MAP7: variants seen among roughly 807,000 people sequenced by gnomAD.
The protein encoded by MAP7 is ensconsin.
Under a neutral mutation model 94.8 loss-of-function variants are expected in MAP7, and 52 were observed. The ratio of observed to expected loss-of-function variants is 0.55; its 90% CI spans 0.44 to 0.69. MAP7 has a LOEUF of 0.69. Among genes scored for constraint, MAP7 ranks in the 30% least tolerant of loss-of-function variants. The pLI is 0.00. For missense variants in MAP7, 940 were observed against 964.6 expected (o/e 0.97, Z 0.34); for synonymous variants, 350 against 357.0 (o/e 0.98, Z 0.22).
At chr6:136,409,815 T>C (rs912776015) in intron 3 of MAP7, among the ~76,000 whole-genome samples, 1 of 152,212 alleles carries the variant, frequency 6.6e-6, no homozygotes, top group African/African-American at 2.4e-5. Flanking sequence ...CAACCTTTAT[T>C]CATCTTTTTG....
At chr6:136,378,521 A>G (rs1431904638) in intron 6 of MAP7, among the ~76,000 whole-genome samples, 1 of 152,204 alleles carries the variant, frequency 6.6e-6, no homozygotes, top group Non-Finnish European at 1.5e-5. Context: ...TTTTGGCAAC[A>G]ATATAAAAAA....
chr6:136,509,722 G>A (rs1822674913), intron 1 of MAP7, among the ~76,000 whole-genome samples: 1 of 152,020 alleles, frequency 6.6e-6, no homozygotes, highest in South Asian at 2.1e-4. Context: ...ACCATGCTGG[G>A]CTATTTTTTA....
chr6:136,471,176 G>A (rs1808854399), intron 1 of MAP7, among the ~76,000 whole-genome samples: 1 of 152,100 alleles, frequency 6.6e-6, no homozygotes, highest in Admixed American at 6.5e-5. Flanking sequence ...AAAGCTAAAA[G>A]CACACATACA....
chr6:136,509,562 G>A (rs1822605399), intron 1 of MAP7, among the ~76,000 whole-genome samples: 1 of 151,910 alleles, frequency 6.6e-6, no homozygotes, highest in African/African-American at 2.4e-5. Flanking sequence ...TTCGGTTTTT[G>A]TTTTTGTTTT....
At chr6:136,429,002 CATCTT>C (rs1205879688) in intron 1 of MAP7, among the ~76,000 whole-genome samples, 1 of 152,114 alleles carries the variant, frequency 6.6e-6, no homozygotes, top group Non-Finnish European at 1.5e-5. Context: ...TTTTACTAAT[CATCTT>C]ATCATTAATA....
At chr6:136,464,350 C>T (rs1302160482) in intron 1 of MAP7, among the ~76,000 whole-genome samples, 2 of 152,196 alleles carry the variant, frequency 1.3e-5, no homozygotes, top group Non-Finnish European at 2.9e-5. Flanking sequence ...TGGTCAACCA[C>T]AGTCTGAAAA....
At chr6:136,416,890 T>C (rs547212904) in intron 2 of MAP7, among the ~76,000 whole-genome samples, 1 of 152,066 alleles carries the variant, frequency 6.6e-6, no homozygotes, top group East Asian at 1.9e-4. Flanking sequence ...GGCAGGAGGA[T>C]TGCTTGAGTC....
intron 16 of MAP7, among the ~76,000 whole-genome samples, chr6:136,353,436 G>A (rs1322505244): frequency 6.6e-6 from 1 of 152,198 alleles, no homozygotes; most frequent in Non-Finnish European, 1.5e-5. Flanking sequence ...AGCAGTGAGT[G>A]AAATGAATCA....
In MAP7 at chr6:136,380,910, TAGA is replaced by T. The variant is rs1777559558; in HGVS notation, c.637+2758_637+2760del. On this transcript the variant is annotated intron_variant, in intron 6 of 17. Coordinates refer to ENST00000354570, the MANE Select transcript of MAP7 (RefSeq NM_003980.6). Reference sequence around the variant, plus strand: ...ATATTTCAGTATTTTTAATAACTAGTAGAGCTCTTTGGATATATTACAGCAGAA... The same window carrying T: ...ATATTTCAGTATTTTTAATAACTAGTGCTCTTTGGATATATTACAGCAGAA... Among the ~76,000 whole-genome samples, 7 of 152,250 alleles carry T rather than the reference TAGA, an allele frequency of 4.6e-5. No individual in the cohort carries two copies. The South Asian group carries it at 1.4e-3, about 31-fold the overall frequency.
intron 1 of MAP7, among the ~76,000 whole-genome samples, chr6:136,494,601 A>G (rs1222692134): frequency 6.6e-6 from 1 of 152,212 alleles, no homozygotes; most frequent in Non-Finnish European, 1.5e-5. Context: ...TGATTAAGAA[A>G]AATCCTTAAA....
intron 16 of MAP7, 150 bp downstream of exon 16, chr6:136,356,542 T>A: frequency 1.6e-6 from 1 of 619,966 alleles, no homozygotes; most frequent in Non-Finnish European, 2.9e-6. Context: ...ATATTTCCAC[T>A]TTCTTGGAGT....
Position 136,421,738 on chromosome 6 carries a change from A to C in MAP7, c.129T>G (p.Ile43Met), listed in dbSNP as rs371519444. 1.9e-4 allele frequency: 301 copies of C among 1,614,060 alleles called. No individual in the cohort carries two copies. In the South Asian group the frequency reaches 1.9e-3, roughly 10 times the overall value. Residue 43 changes from isoleucine to methionine, a missense_variant, in exon 2 of 18, where the codon ATT (isoleucine) becomes ATG (methionine). Coordinates refer to ENST00000354570, the MANE Select transcript of MAP7 (RefSeq NM_003980.6). ...KNASSRPASA[I>M]SGQNNNHSGN... Reference sequence around the variant, plus strand: ...CTGAGTGGTTGTTATTTTGTCCTGAAATTGCAGAGGCAGGGCGGCTGGAGG... The same window carrying C: ...CTGAGTGGTTGTTATTTTGTCCTGACATTGCAGAGGCAGGGCGGCTGGAGG...
intron 1 of MAP7, among the ~76,000 whole-genome samples, chr6:136,511,479 T>C (rs1443355822): frequency 6.9e-6 from 1 of 145,510 alleles, no homozygotes; most frequent in African/African-American, 2.7e-5. Context: ...AAGAACCTGT[T>C]TTTCTGGGCC....
intron 1 of MAP7, among the ~76,000 whole-genome samples, chr6:136,496,183 G>A (rs1818153458): frequency 6.6e-6 from 1 of 152,160 alleles, no homozygotes; most frequent in Admixed American, 6.5e-5. Context: ...AAAAATTTAG[G>A]TATTTTCCCC....
chr6:136,483,819 T>C (rs1205597033), intron 1 of MAP7, among the ~76,000 whole-genome samples: 2 of 152,192 alleles, frequency 1.3e-5, no homozygotes, highest in Non-Finnish European at 2.9e-5. Context: ...AATAGGAAAA[T>C]GGATTCTTTT....
chr6:136,541,599 T>C (rs1055382621), intron 1 of MAP7, among the ~76,000 whole-genome samples: 12 of 152,212 alleles, frequency 7.9e-5, no homozygotes, highest in Non-Finnish European at 1.8e-4. Flanking sequence ...TGCATTGTTT[T>C]ATACCCCGTG....
chr6:136,529,813 G>A (rs528038391), intron 1 of MAP7, among the ~76,000 whole-genome samples: 9 of 152,242 alleles, frequency 5.9e-5, no homozygotes, highest in Admixed American at 3.3e-4. Flanking sequence ...GGCCCCACCC[G>A]CTTGGTCCAC....
At chr6:136,453,280 G>A (rs184922537) in intron 1 of MAP7, among the ~76,000 whole-genome samples, 24 of 152,204 alleles carry the variant, frequency 1.6e-4, no homozygotes, top group East Asian at 1.5e-3. Flanking sequence ...ACATTCTGAT[G>A]GCAGCCATTG....
chr6:136,443,534 C>T (rs1798482051), intron 1 of MAP7, among the ~76,000 whole-genome samples: 1 of 150,940 alleles, frequency 6.6e-6, no homozygotes, highest in Non-Finnish European at 1.5e-5. Context: ...TCACTGCAAC[C>T]TCCACTCCCG....
Sources: gnomAD v4.1 joint callset for allele counts (sites outside exome capture counted in the v4.1 genomes callset) on GRCh38, gnomAD v4.1.1 for gene constraint, MANE v1.5 for transcripts, NCBI Gene and HGNC (gene_info 2026-07-23, HGNC 2026-07-21) for gene names.